Variants in CD244 observed in about 807,000 individuals in gnomAD.
CD244 encodes the protein CD244 molecule, also known as natural killer cell receptor 2B4.
CD244 carries 20 observed loss-of-function variants against 45.5 expected under a neutral mutation model. That is an observed-to-expected ratio of 0.44 (90% CI 0.31 to 0.64). The LOEUF (loss-of-function observed/expected upper bound fraction) is 0.64. CD244 is among the 30% of genes least tolerant of loss of function. CD244 has a pLI of 0.08. For missense variants in CD244, 407 were observed against 426.9 expected, an observed-to-expected ratio of 0.95 and a Z score of 0.41; for synonymous variants, 185 against 160.5, an observed-to-expected ratio of 1.15 and a Z score of -1.15.
intron 5 of CD244, among the ~76,000 whole-genome samples, chr1:160,837,822 T>A (rs554663110): frequency 1.3e-5 from 2 of 152,242 alleles, no homozygotes; most frequent in African/African-American, 4.8e-5. Flanking sequence ...AGTGGGGGCA[T>A]CTGCAGGCCC....
chr1:160,833,876 A>G (rs1669224812), intron 7 of CD244, among the ~76,000 whole-genome samples, 175 bp downstream of exon 7: 1 of 152,218 alleles, frequency 6.6e-6, no homozygotes, highest in South Asian at 2.1e-4. Flanking sequence ...AGAACCAGTA[A>G]GGCATTTCTC....
intron 1 of CD244, among the ~76,000 whole-genome samples, chr1:160,846,249 T>C (rs973320652): frequency 1.3e-5 from 2 of 152,150 alleles, no homozygotes; most frequent in Non-Finnish European, 2.9e-5. Context: ...GTATCATTCT[T>C]ATGCCTTTGC....
At position 160,831,166 on chromosome 1, in the gene CD244, C is replaced by T. The variant is rs1669100803; in HGVS notation, c.*181G>A. On this transcript the variant is annotated 3_prime_UTR_variant, in exon 9 of 9. Coordinates refer to ENST00000368034, the MANE Select transcript of CD244 (RefSeq NM_016382.4). ...CTGTAAATTGGAAGATATTATTTAA[C>T]AGCCTTGCTCTTATCATGGTTGTTA... 5 of 550,020 alleles carry T rather than the reference C, an allele frequency of 9.1e-6. No individual in the cohort carries two copies. Among genetic ancestry groups the T allele is most frequent in the East Asian group, 2.8e-5 (1 of 35,296 alleles). 34.1% of individuals were successfully genotyped at this position (550,020 alleles called of 1,614,324 possible). A position where few individuals can be genotyped will look rare whatever the true frequency, so the allele number is the denominator to read the frequency against.
chr1:160,861,029 C>T (rs1368948126), intron 1 of CD244, among the ~76,000 whole-genome samples: 1 of 152,200 alleles, frequency 6.6e-6, no homozygotes, highest in African/African-American at 2.4e-5. Context: ...GGAGCATTGC[C>T]CTCTGTCACA....
chr1:160,836,392 T>TGATC, intron 5 of CD244, 138 bp from the exon 6 acceptor site: 2 of 700,012 alleles, frequency 2.9e-6, no homozygotes, highest in South Asian at 3.2e-5. Context: ...GGAGAGTCAT[T>TGATC]GATCCTCCCA....
chr1:160,846,020 C>T (rs1355029347), intron 1 of CD244, among the ~76,000 whole-genome samples: 2 of 151,172 alleles, frequency 1.3e-5, no homozygotes, highest in East Asian at 3.9e-4. Flanking sequence ...GACATTTCAG[C>T]AAAAATAATA....
intron 1 of CD244, among the ~76,000 whole-genome samples, chr1:160,843,711 A>T (rs1669627777): frequency 6.6e-6 from 1 of 152,268 alleles, no homozygotes; most frequent in African/African-American, 2.4e-5. Flanking sequence ...AACAACATGT[A>T]AAAGCACATT....
Position 160,831,340 on chromosome 1 carries a change from G to A in CD244, c.*7C>T, listed in dbSNP as rs1669106184. ...ATGTGCAAGAAAGGTGAGAATTGCT[G>A]CAGCAACTAGGAATAAACATCAAAG... On this transcript the variant is annotated 3_prime_UTR_variant, in exon 9 of 9. Coordinates refer to ENST00000368034, the MANE Select transcript of CD244 (RefSeq NM_016382.4). 1.9e-6 allele frequency: 3 copies of A among 1,611,034 alleles called. No homozygotes were observed. Among genetic ancestry groups the A allele is most frequent in the Non-Finnish European group, 1.7e-6 (2 of 1,177,198 alleles).
At position 160,841,619 on chromosome 1, in the gene CD244, T is replaced by C; in HGVS notation, c.344A>G (p.Lys115Arg). ...YCLEVTSISG[K>R]VQTATFQVFV... ...AACCTGGAACGTGGCTGTCTGAACT[T>C]TTCCAGATATACTGGTGACCTCCAG... The change falls in exon 2 of 9, where the codon AAA (lysine) becomes AGA (arginine). Residue 115 changes from lysine (K) to arginine (R), a missense_variant. Physicochemically the swap from Lys to Arg is conservative, Grantham distance 26. Coordinates refer to ENST00000368034, the MANE Select transcript of CD244 (RefSeq NM_016382.4). The C allele has an allele frequency of 1.2e-6, 2 of 1,614,190 alleles. No homozygotes were observed. The highest frequency in any genetic ancestry group is 1.7e-6 in the Non-Finnish European group (2 of 1,180,036).
chr1:160,837,183 GGGA>G (rs145313081), intron 5 of CD244, among the ~76,000 whole-genome samples: 2,942 of 152,320 alleles, frequency 0.019, 105 homozygotes, highest in African/African-American at 0.067. Context: ...AGGCCAGGCA[GGGA>G]GGAGCTCTTG....
At chr1:160,853,725 A>T (rs545536691) in intron 1 of CD244, among the ~76,000 whole-genome samples, 318 of 147,632 alleles carry the variant, frequency 2.2e-3, no homozygotes, top group Non-Finnish European at 3.9e-3. Context: ...CAGGGGTTGC[A>T]GTGAGCCATG....
In CD244 at chr1:160,841,319, C is replaced by G; in HGVS notation, c.546G>C (p.Glu182Asp). 1 of 1,614,206 alleles carries G rather than the reference C, an allele frequency of 6.2e-7. No homozygotes were observed. Among genetic ancestry groups the G allele is most frequent in the East Asian group, 2.2e-5 (1 of 44,876 alleles). The change falls in exon 3 of 9, where the codon GAG becomes GAC. Residue 182 changes from glutamate (E) to aspartate (D), a missense_variant. Transcript: ENST00000368034. The stretch of plus-strand genomic sequence containing the variant: ...TGTGAGTGCCATTAATGTCAACCTC[C>G]TCGTCCAGGTAGGTGAGGTTCCCTG... ...QTAGNLTYLD[E>D]EVDINGTHTY...
Position 160,862,626 on chromosome 1 carries a change from G to C in CD244, c.52C>G (p.Gln18Glu). The change falls in exon 1 of 9, where the codon CAG (glutamine) becomes GAG (glutamate). Residue 18 changes from glutamine (Q) to glutamate (E), a missense_variant. Gln to Glu is a conservative substitution (Grantham distance 29). Coordinates refer to ENST00000368034, the MANE Select transcript of CD244 (RefSeq NM_016382.4). ...GGTAGGACCTCCTTACCTTTGCCCT[G>C]ATACACCTTGAGGAGCAGGAGGAGT... ...LILLLLLKVYQGKGCQGSADH... is the reference protein window; with the variant it reads ...LILLLLLKVYEGKGCQGSADH... 6.2e-7 allele frequency: 1 copy of C among 1,614,012 alleles called. No homozygotes were observed.
intron 2 of CD244, 45 bp from the exon 3 acceptor site, chr1:160,841,530 CT>C: frequency 6.2e-7 from 1 of 1,612,656 alleles, no homozygotes; most frequent in Non-Finnish European, 8.5e-7. Flanking sequence ...AAATACAGAA[CT>C]TAGAGGCCTA....
intron 1 of CD244, 127 bp from the exon 2 acceptor site, chr1:160,842,028 G>A (rs905732516): frequency 3.0e-6 from 2 of 666,534 alleles, no homozygotes; most frequent in Admixed American, 2.6e-5. Flanking sequence ...GAACCTAGGA[G>A]CACCTTAAAG....
At chr1:160,852,935 A>G (rs1355492025) in intron 1 of CD244, among the ~76,000 whole-genome samples, 2 of 152,116 alleles carry the variant, frequency 1.3e-5, no homozygotes, top group African/African-American at 4.8e-5. Context: ...AAGCAGGAGA[A>G]TCACTTAAAT....
intron 6 of CD244, 74 bp downstream of exon 6, chr1:160,836,120 TG>T (rs2101863098): frequency 9.4e-6 from 10 of 1,063,310 alleles, no homozygotes; most frequent in Non-Finnish European, 1.3e-5. Flanking sequence ...TGCCATTCAA[TG>T]GTGTGAGTTT....
At chr1:160,862,518 A>G in intron 1 of CD244, 99 bp downstream of exon 1, 1 of 1,016,944 alleles carries the variant, frequency 9.8e-7, no homozygotes, top group East Asian at 2.5e-5. Context: ...GTTCCAGATG[A>G]CTGTGTATGT....
chr1:160,846,383 G>A (rs1472324209), intron 1 of CD244, among the ~76,000 whole-genome samples: 1 of 152,194 alleles, frequency 6.6e-6, no homozygotes, highest in East Asian at 1.9e-4. Flanking sequence ...CTTCAAAGAT[G>A]AAAGCAGATG....
Sources: gnomAD v4.1 joint callset for allele counts (sites outside exome capture counted in the v4.1 genomes callset) on GRCh38, gnomAD v4.1.1 for gene constraint, MANE v1.5 for transcripts, NCBI Gene and HGNC (gene_info 2026-07-23, HGNC 2026-07-21) for gene names.